Variants in PCDHGA6 observed in about 807,000 individuals in gnomAD.
PCDHGA6 encodes the protein protocadherin gamma-A6.
PCDHGA6 carries 41 observed loss-of-function variants against 60.6 expected under a neutral mutation model. That is an observed-to-expected ratio of 0.68 (90% CI 0.53 to 0.88). PCDHGA6 has a LOEUF of 0.88. Ranked by LOEUF, PCDHGA6 falls within the 40% of genes least tolerant of loss-of-function variation. The pLI, the probability that PCDHGA6 is intolerant of heterozygous loss-of-function variation, is 0.00. For synonymous variants in PCDHGA6, 594 were observed against 524.4 expected (o/e 1.13, Z -1.81); for missense variants, 1,312 against 1,203.0 (o/e 1.09, Z -1.34).
chr5:141,431,356 C>T lies in PCDHGA6; in HGVS notation c.2424+54849C>T. ...ACCCCGAATTGGTGCTGAAACGCGC[C>T]CTGGACCGCGAAGAAAAGGCTGCTC... On this transcript the variant is annotated intron_variant, in intron 1 of 3. Transcript: ENST00000517434. This position sits in a 1 kb window ranked among gnomAD's most constrained non-coding sequence, Gnocchi z 4.8. 6.2e-7 allele frequency: 1 copy of T among 1,614,004 alleles called. No individual in the cohort carries two copies. The highest frequency in any genetic ancestry group is 8.5e-7 in the Non-Finnish European group (1 of 1,180,026).
chr5:141,374,954 A>C lies in PCDHGA6; in HGVS notation c.871A>C (p.Ile291Leu). 6.2e-7 allele frequency: 1 copy of C among 1,613,990 alleles called. No homozygotes were observed. Among genetic ancestry groups the C allele is most frequent in the Non-Finnish European group, 8.5e-7 (1 of 1,179,894 alleles). The change falls in exon 1 of 4, where the codon ATT (isoleucine) becomes CTT (leucine). Residue 291 changes from isoleucine (I) to leucine (L), a missense_variant. Transcript: ENST00000517434. ...GAAGATTACAGAAAAGATCTCACAA[A>C]TTTTCTGTTTGAATGTTTTGACTGG... ...FVKITEKISQ[I>L]FCLNVLTGEI...
chr5:141,378,077 T>A (rs955421264), intron 1 of PCDHGA6: 1 of 152,136 alleles, frequency 6.6e-6, no homozygotes, highest in Non-Finnish European at 1.5e-5. Flanking sequence ...AGAAAATAAT[T>A]TTATAACTTT....
In PCDHGA6 at chr5:141,498,877, G is replaced by A. The variant is rs886444261; in HGVS notation, c.2483+4012G>A. ...GAACCCAGGAGGCGGAGGTTGCAGTGAGCTGAGATCACACCACTGCACTCC... is the reference window on the plus strand; with the variant it reads ...GAACCCAGGAGGCGGAGGTTGCAGTAAGCTGAGATCACACCACTGCACTCC... On this transcript the variant is annotated intron_variant, in intron 2 of 3. Coordinates refer to ENST00000517434, the MANE Select transcript of PCDHGA6 (RefSeq NM_018919.3). Among the ~76,000 whole-genome samples, 8 of 149,816 alleles carry A rather than the reference G, an allele frequency of 5.3e-5. No individual in the cohort carries two copies. In the East Asian group the frequency reaches 1.4e-3, roughly 26 times the overall value.
At position 141,387,415 on chromosome 5, in the gene PCDHGA6, A is replaced by C. The variant is rs111350375; in HGVS notation, c.2424+10908A>C. Among the ~76,000 whole-genome samples the C allele has an allele frequency of 1.1e-3, 175 of 152,362 alleles. 1 individual carries two copies. Among genetic ancestry groups the C allele is most frequent in the Admixed American group, 4.9e-3 (75 of 15,312 alleles). ...CATGTTTGAAGATTGGGGAAAGCTT[A>C]TGTCAATAAATGTTTATGTACTTAA... On this transcript the variant is annotated intron_variant, in intron 1 of 3. Coordinates refer to ENST00000517434, the MANE Select transcript of PCDHGA6 (RefSeq NM_018919.3).
At chr5:141,376,603 G>A (rs1772884003) in intron 1 of PCDHGA6, 96 bp downstream of exon 1, 1 of 1,516,632 alleles carries the variant, frequency 6.6e-7, no homozygotes, top group East Asian at 2.3e-5. Context: ...TGTTATAGAA[G>A]CGAACCTCTT....
At chr5:141,422,888 T>C in intron 1 of PCDHGA6, 2 of 1,614,262 alleles carry the variant, frequency 1.2e-6, no homozygotes, top group South Asian at 2.2e-5. Flanking sequence ...CTGTTCGTGC[T>C]GGACCAGAAC....
At chr5:141,387,019 A>G (rs753625930) in intron 1 of PCDHGA6, among the ~76,000 whole-genome samples, 1 of 152,192 alleles carries the variant, frequency 6.6e-6, no homozygotes, top group Non-Finnish European at 1.5e-5. Context: ...TTGAAGATGA[A>G]TGTTGTATTT....
intron 1 of PCDHGA6, chr5:141,403,479 A>G: frequency 1.2e-6 from 2 of 1,613,848 alleles, no homozygotes; most frequent in Non-Finnish European, 1.7e-6. Flanking sequence ...AGCCCCAATC[A>G]CCACTTCTCC....
rs537619617 is a variant in PCDHGA6 at position 141,483,429 on chromosome 5, C to G, written c.2425-11378C>G. On this transcript the variant is annotated intron_variant, in intron 1 of 3. Coordinates refer to ENST00000517434, the MANE Select transcript of PCDHGA6 (RefSeq NM_018919.3). ...ACAGTGGCAGTACAGATGGAGGGAGCTGACTACAATAAAATCATCAGGACT... is the reference window on the plus strand; with the variant it reads ...ACAGTGGCAGTACAGATGGAGGGAGGTGACTACAATAAAATCATCAGGACT... Among the ~76,000 whole-genome samples the G allele has an allele frequency of 5.3e-5, 8 of 152,158 alleles. No individual in the cohort carries two copies. In the East Asian group the frequency reaches 1.5e-3, roughly 29 times the overall value.
At chr5:141,430,567 A>G in intron 1 of PCDHGA6, 1 of 434,308 alleles carries the variant, frequency 2.3e-6, no homozygotes, top group Non-Finnish European at 3.9e-6. Context: ...GGGGAGAGAA[A>G]AGCGGAGATC....
intron 1 of PCDHGA6, among the ~76,000 whole-genome samples, chr5:141,447,275 G>A (rs2098532748): frequency 1.3e-5 from 2 of 152,154 alleles, no homozygotes; most frequent in South Asian, 2.1e-4. Context: ...AAGTAGCTGG[G>A]ACTACAGGCA....
chr5:141,395,547 TGTGTGTGTGTG>T (rs750624769), intron 1 of PCDHGA6: 54,616 of 173,956 alleles, frequency 0.31, 7,840 homozygotes, highest in East Asian at 0.41. Context: ...ATTGTTTGTG[TGTGTGTGTGTG>T]TGTGTGTGTG....
At chr5:141,417,646 C>A in intron 1 of PCDHGA6, 2 of 797,870 alleles carry the variant, frequency 2.5e-6, no homozygotes, top group Non-Finnish European at 3.8e-6. Context: ...GATCCCTCAG[C>A]CTCTAGCCTG....
chr5:141,383,445 G>T (rs1779137475), intron 1 of PCDHGA6: 1 of 1,613,958 alleles, frequency 6.2e-7, no homozygotes, highest in East Asian at 2.2e-5. Flanking sequence ...CCCTGGCTGT[G>T]CAAAGTGGAG....
At position 141,477,146 on chromosome 5, in the gene PCDHGA6, G is replaced by A. The variant is rs1447966302; in HGVS notation, c.2425-17661G>A. The stretch of plus-strand genomic sequence containing the variant: ...TTGCAAAGTGTTGGTGGAGGTTGTG[G>A]ATGTGAATGACAACGCCCCGGAGAT... On this transcript the variant is annotated intron_variant, in intron 1 of 3. Coordinates refer to ENST00000517434, the MANE Select transcript of PCDHGA6 (RefSeq NM_018919.3). This position sits in a 1 kb window ranked among gnomAD's most constrained non-coding sequence, Gnocchi z 4.9. 1 of 1,614,182 alleles carries A rather than the reference G, an allele frequency of 6.2e-7. No homozygotes were observed. The highest frequency in any genetic ancestry group is 8.5e-7 in the Non-Finnish European group (1 of 1,180,044).
intron 1 of PCDHGA6, chr5:141,410,641 T>G: frequency 6.3e-7 from 1 of 1,599,146 alleles, no homozygotes. Context: ...CTTTTTTGTG[T>G]GTGATTTATC....
chr5:141,442,485 G>A (rs1000683527), intron 1 of PCDHGA6: 2 of 152,248 alleles, frequency 1.3e-5, no homozygotes, highest in Non-Finnish European at 2.9e-5. Flanking sequence ...TGGGGAAGGG[G>A]ATGATTGTGA....
At chr5:141,399,944 A>G (rs769384438) in intron 1 of PCDHGA6, 2 of 1,612,254 alleles carry the variant, frequency 1.2e-6, no homozygotes, top group South Asian at 2.2e-5. Context: ...CACGTGCTGC[A>G]GGCTAGCGAG....
At chr5:141,415,740 GTT>G (rs57426385) in intron 1 of PCDHGA6, 13,277 of 614,848 alleles carry the variant, frequency 0.022, 3 homozygotes, top group South Asian at 0.023. Context: ...GTTTATTAAG[GTT>G]TTTTTTTTTT....
Sources: gnomAD v4.1 joint callset for allele counts (sites outside exome capture counted in the v4.1 genomes callset) on GRCh38, gnomAD v4.1.1 for gene constraint, Gnocchi (gnomAD v3.1) non-coding constraint, MANE v1.5 for transcripts, NCBI Gene and HGNC (gene_info 2026-07-23, HGNC 2026-07-21) for gene names.